The following ATP8B4 variants were observed in gnomAD, a reference collection of about 807,000 sequenced individuals.
ATP8B4 encodes ATPase phospholipid transporting 8B4 (putative).
In ATP8B4, 133 loss-of-function variants were observed where a neutral mutation model predicts 145.6. That is an observed-to-expected ratio of 0.91 (90% confidence interval 0.79 to 1.05). ATP8B4 has a LOEUF of 1.05. ATP8B4 is among the 50% of genes least tolerant of loss of function. The pLI is 0.00. For missense variants in ATP8B4, 1,458 were observed against 1,425.2 expected (o/e 1.02, Z -0.37); for synonymous variants, 507 against 492.9 (o/e 1.03, Z -0.38).
chr15:50,147,556 G>T (rs1264083163), intron 1 of ATP8B4, among the ~76,000 whole-genome samples: 4 of 151,834 alleles, frequency 2.6e-5, no homozygotes, highest in African/African-American at 4.8e-5. Context: ...AAAGACAAAA[G>T]CAGGATCCCA....
intron 25 of ATP8B4, among the ~76,000 whole-genome samples, chr15:49,872,134 C>G (rs941862463): frequency 9.2e-5 from 14 of 152,172 alleles, no homozygotes; most frequent in African/African-American, 3.4e-4. Flanking sequence ...AATAATTGTG[C>G]TGTAGGAAAT....
intron 1 of ATP8B4, among the ~76,000 whole-genome samples, chr15:50,132,152 T>C (rs1171847871): frequency 6.6e-6 from 1 of 152,208 alleles, no homozygotes; most frequent in African/African-American, 2.4e-5. Flanking sequence ...TTTATTTAAG[T>C]ACAGGCTGTA....
At chr15:49,949,597 AATC>A (rs1233453448) in intron 14 of ATP8B4, among the ~76,000 whole-genome samples, 4 of 152,078 alleles carry the variant, frequency 2.6e-5, no homozygotes, top group Non-Finnish European at 4.4e-5. Context: ...CTAAATATAA[AATC>A]ATATCGTATG....
At chr15:49,872,710 A>G (rs765081001) in intron 25 of ATP8B4, among the ~76,000 whole-genome samples, 23 of 152,200 alleles carry the variant, frequency 1.5e-4, no homozygotes, top group Non-Finnish European at 2.8e-4. Flanking sequence ...AGGTCATGAA[A>G]GACAAGCAAA....
chr15:50,144,367 C>A (rs1038894409), intron 1 of ATP8B4, among the ~76,000 whole-genome samples: 7 of 152,162 alleles, frequency 4.6e-5, no homozygotes, highest in African/African-American at 1.7e-4. Context: ...ATACCTGAGA[C>A]TGGGTAATTT....
At chr15:49,987,235 T>C (rs1397907177) in intron 10 of ATP8B4, among the ~76,000 whole-genome samples, 156 bp downstream of exon 10, 1 of 152,190 alleles carries the variant, frequency 6.6e-6, no homozygotes, top group African/African-American at 2.4e-5. Context: ...CAATAGTGTT[T>C]TCTCCTGGCA....
At chr15:50,046,933 A>G (rs2051769761) in intron 4 of ATP8B4, among the ~76,000 whole-genome samples, 1 of 152,228 alleles carries the variant, frequency 6.6e-6, no homozygotes, top group South Asian at 2.1e-4. Context: ...TATTAAAAAT[A>G]TGTCACTGTT....
intron 1 of ATP8B4, among the ~76,000 whole-genome samples, chr15:50,138,326 G>GTAGATAGA (rs71124324): frequency 0.051 from 7,511 of 148,132 alleles, 278 homozygotes; most frequent in African/African-American, 0.092. Context: ...AGATAGATAG[G>GTAGATAGA]TAGATAGATA....
intron 3 of ATP8B4, among the ~76,000 whole-genome samples, chr15:50,050,412 A>G (rs967812706): frequency 2.6e-5 from 4 of 152,186 alleles, no homozygotes; most frequent in Non-Finnish European, 1.5e-5. Context: ...CTATTAAATC[A>G]TCTTTCCCTT....
At chr15:50,061,704 TTGAGTAGCCAAATGG>T (rs1257756936) in intron 3 of ATP8B4, among the ~76,000 whole-genome samples, 1 of 152,182 alleles carries the variant, frequency 6.6e-6, no homozygotes, top group East Asian at 1.9e-4. Context: ...ACTTGGCTTT[TTGAGTAGCCAAATGG>T]TTCCCCAAAT....
intron 1 of ATP8B4, among the ~76,000 whole-genome samples, chr15:50,125,174 G>A (rs1456581077): frequency 6.6e-6 from 1 of 152,220 alleles, no homozygotes; most frequent in East Asian, 1.9e-4. Context: ...GTAGAACAAT[G>A]AACCCGATCT....
At chr15:50,008,008 T>G (rs2048441233) in intron 7 of ATP8B4, among the ~76,000 whole-genome samples, 1 of 152,206 alleles carries the variant, frequency 6.6e-6, no homozygotes, top group African/African-American at 2.4e-5. Flanking sequence ...AAAATATCTT[T>G]TTTTGATAAA....
In ATP8B4 at chr15:49,951,776, T is replaced by C. The variant is rs147444980; in HGVS notation, c.1287+10201A>G. 3.7e-3 allele frequency among the ~76,000 whole-genome samples: 570 copies of C among 152,330 alleles called. 7 individuals carry two copies. Among genetic ancestry groups the C allele is most frequent in the African/African-American group, 0.013 (555 of 41,564 alleles). On this transcript the variant is annotated intron_variant, in intron 14 of 27. Coordinates refer to ENST00000284509, the MANE Select transcript of ATP8B4 (RefSeq NM_024837.4). ...ATTTTGCACACTAGTTGATGCGGTTTCTTCATAGTGTCATTGGTCTTTATA... is the reference window on the plus strand; with the variant it reads ...ATTTTGCACACTAGTTGATGCGGTTCCTTCATAGTGTCATTGGTCTTTATA...
intron 12 of ATP8B4, 58 bp from the exon 13 acceptor site, chr15:49,972,848 C>T: frequency 1.3e-6 from 2 of 1,546,428 alleles, no homozygotes; most frequent in Non-Finnish European, 1.8e-6. Context: ...TCAGAACATA[C>T]AATATTTTGC....
chr15:49,940,570 A>T (rs2042089711), intron 14 of ATP8B4, among the ~76,000 whole-genome samples: 1 of 152,206 alleles, frequency 6.6e-6, no homozygotes, highest in African/African-American at 2.4e-5. Flanking sequence ...TATAAAAAAA[A>T]TTTTAATCAA....
chr15:50,082,006 G>T (rs2054588725), intron 2 of ATP8B4, among the ~76,000 whole-genome samples: 1 of 152,202 alleles, frequency 6.6e-6, no homozygotes, highest in African/African-American at 2.4e-5. Flanking sequence ...AACATGAAGT[G>T]TCATTTGGGG....
intron 3 of ATP8B4, among the ~76,000 whole-genome samples, chr15:50,062,907 C>T (rs1056587777): frequency 9.2e-5 from 14 of 152,194 alleles, no homozygotes; most frequent in South Asian, 6.2e-4. Flanking sequence ...AGGACAATGG[C>T]GTTTTTGTGG....
At chr15:50,104,034 G>A (rs2056530106) in intron 2 of ATP8B4, among the ~76,000 whole-genome samples, 1 of 152,102 alleles carries the variant, frequency 6.6e-6, no homozygotes, top group South Asian at 2.1e-4. Flanking sequence ...GCCACATGTG[G>A]AAGAATGAAA....
intron 6 of ATP8B4, among the ~76,000 whole-genome samples, chr15:50,031,776 T>C (rs968656602): frequency 6.6e-6 from 1 of 152,178 alleles, no homozygotes; most frequent in Non-Finnish European, 1.5e-5. Context: ...TAGGTCTACA[T>C]GCCTCTAACC....
Sources: allele counts gnomAD v4.1 joint callset (sites outside exome capture counted in the v4.1 genomes callset), GRCh38; gene constraint gnomAD v4.1.1; transcripts MANE v1.5; gene names NCBI Gene and HGNC (gene_info 2026-07-23, HGNC 2026-07-21).